The following CNTN5 variants were observed in gnomAD, a reference collection of about 807,000 sequenced individuals.
The protein encoded by CNTN5 is contactin 5.
CNTN5 carries 77 observed loss-of-function variants against 129.1 expected under a neutral mutation model. That is an observed-to-expected ratio of 0.60 (90% CI 0.50 to 0.72). The LOEUF (loss-of-function observed/expected upper bound fraction) is 0.72. CNTN5 is among the 30% of genes least tolerant of loss of function. The probability of loss-of-function intolerance (pLI) is 0.00; values close to 1 mark genes in which losing one functional copy is unlikely to be tolerated. For missense variants in CNTN5, 1,478 were observed against 1,328.8 expected (o/e 1.11, Z -1.75); for synonymous variants, 509 against 465.6 (o/e 1.09, Z -1.20).
chr11:99,349,920 C>T (rs977227000), intron 2 of CNTN5, among the ~76,000 whole-genome samples: 5 of 152,074 alleles, frequency 3.3e-5, no homozygotes, highest in African/African-American at 4.8e-5. Context: ...AAAATGTTGT[C>T]ATTTTCTTTT....
Position 99,356,230 on chromosome 11 carries a change from C to T in CNTN5, c.-71+30746C>T, listed in dbSNP as rs373746323. Among the ~76,000 whole-genome samples, 6 of 152,176 alleles carry T rather than the reference C, an allele frequency of 3.9e-5. No homozygotes were observed. In the East Asian group the frequency reaches 1.2e-3, roughly 29 times the overall value. On this transcript the variant is annotated intron_variant, in intron 2 of 24. Coordinates refer to ENST00000524871, the MANE Select transcript of CNTN5 (RefSeq NM_014361.4). ...TTTTAGTGTGGCTTGTGGGGTTTCT[C>T]AAGTTAGAAACAATTTTAAACAAGT...
In CNTN5 at chr11:99,046,155, A is replaced by G. The variant is rs143485427; in HGVS notation, c.-210+24885A>G. Among the ~76,000 whole-genome samples the G allele has an allele frequency of 7.3e-3, 1,112 of 152,210 alleles. 11 individuals carry two copies. Among genetic ancestry groups the G allele is most frequent in the African/African-American group, 0.025 (1,044 of 41,512 alleles). The stretch of plus-strand genomic sequence containing the variant: ...GGGGTGCGAGACCAGACTGGGCGAC[A>G]TGGCAAAACCCCATCTCTACTAAAA... On this transcript the variant is annotated intron_variant, in intron 1 of 24. Transcript: ENST00000524871.
chr11:99,032,385 A>T (rs1451483324), intron 1 of CNTN5, among the ~76,000 whole-genome samples: 1 of 150,560 alleles, frequency 6.6e-6, no homozygotes, highest in South Asian at 2.1e-4. Flanking sequence ...TCCCACCAAC[A>T]GTGTAAAAGT....
chr11:99,304,291 C>T (rs1864776166), intron 1 of CNTN5, among the ~76,000 whole-genome samples: 2 of 152,092 alleles, frequency 1.3e-5, no homozygotes, highest in Non-Finnish European at 2.9e-5. Context: ...TAAACAGTCT[C>T]ATATTACAGA....
At chr11:99,671,365 A>T (rs567746008) in intron 3 of CNTN5, among the ~76,000 whole-genome samples, 1 of 152,286 alleles carries the variant, frequency 6.6e-6, no homozygotes, top group South Asian at 2.1e-4. Context: ...TTAATAGCAG[A>T]TGTTTAACTT....
At chr11:99,465,767 G>C (rs113802827) in intron 2 of CNTN5, among the ~76,000 whole-genome samples, 1,838 of 152,066 alleles carry the variant, frequency 0.012, 40 homozygotes, top group African/African-American at 0.042. Flanking sequence ...GCATGGCTGA[G>C]GAGGCCTCTG....
At chr11:100,224,922 AT>A in intron 16 of CNTN5, 110 bp downstream of exon 16, 1 of 1,032,426 alleles carries the variant, frequency 9.7e-7, no homozygotes, top group Non-Finnish European at 1.3e-6. Context: ...TTTACTTTCA[AT>A]TTTACAATAT....
intron 1 of CNTN5, among the ~76,000 whole-genome samples, chr11:99,094,623 C>T (rs1302285797): frequency 1.3e-5 from 2 of 151,906 alleles, no homozygotes; most frequent in African/African-American, 4.8e-5. Context: ...GAAAAATTTA[C>T]ACAAGAGGAA....
chr11:99,094,350 T>G (rs978274243), intron 1 of CNTN5, among the ~76,000 whole-genome samples: 1 of 152,052 alleles, frequency 6.6e-6, no homozygotes, highest in Non-Finnish European at 1.5e-5. Flanking sequence ...GGATTTCTGA[T>G]TATAAGCAAT....
chr11:99,340,264 G>T (rs150897472), intron 2 of CNTN5, among the ~76,000 whole-genome samples: 2 of 152,230 alleles, frequency 1.3e-5, no homozygotes, highest in Admixed American at 6.5e-5. Flanking sequence ...TACTAGCAAA[G>T]ATGTAAAATA....
At chr11:99,086,347 G>A (rs1310455511) in intron 1 of CNTN5, among the ~76,000 whole-genome samples, 1 of 152,176 alleles carries the variant, frequency 6.6e-6, no homozygotes, top group Non-Finnish European at 1.5e-5. Flanking sequence ...ACCTGGAGCT[G>A]GGTAATTTAT....
chr11:100,318,040 G>C (rs1041099884), intron 21 of CNTN5, among the ~76,000 whole-genome samples: 5 of 152,030 alleles, frequency 3.3e-5, no homozygotes, highest in African/African-American at 1.2e-4. Context: ...AGGAGATCGA[G>C]AGCATCCTGG....
chr11:100,029,386 T>C (rs1026083193), intron 9 of CNTN5, among the ~76,000 whole-genome samples: 7 of 151,822 alleles, frequency 4.6e-5, no homozygotes, highest in African/African-American at 1.7e-4. Flanking sequence ...ATCGAGACCA[T>C]CCTGGCTAAG....
intron 1 of CNTN5, among the ~76,000 whole-genome samples, chr11:99,234,908 C>T (rs1249187553): frequency 6.6e-6 from 1 of 152,054 alleles, no homozygotes; most frequent in Non-Finnish European, 1.5e-5. Context: ...GTGTCTACTA[C>T]TGAGGAAACA....
At chr11:99,387,053 A>T (rs545387399) in intron 2 of CNTN5, among the ~76,000 whole-genome samples, 32 of 152,244 alleles carry the variant, frequency 2.1e-4, no homozygotes, top group Admixed American at 1.6e-3. Context: ...TTTTCCAATT[A>T]GATATATGTT....
intron 3 of CNTN5, among the ~76,000 whole-genome samples, chr11:99,718,141 A>T (rs1178330677): frequency 6.6e-6 from 1 of 151,920 alleles, no homozygotes; most frequent in Non-Finnish European, 1.5e-5. Context: ...CATCTTCAGG[A>T]ATTATTTATT....
chr11:99,845,301 AGTGTG>A, intron 6 of CNTN5, 39 bp downstream of exon 6: 49 of 1,220,448 alleles, frequency 4.0e-5, no homozygotes, highest in Non-Finnish European at 5.2e-5. Flanking sequence ...ATATGTATAT[AGTGTG>A]TATATACAGT....
chr11:99,913,539 A>G (rs1052487607), intron 6 of CNTN5, among the ~76,000 whole-genome samples: 9 of 152,202 alleles, frequency 5.9e-5, no homozygotes, highest in Admixed American at 4.6e-4. Flanking sequence ...CACAGAGACA[A>G]TTCTATGAGG....
intron 6 of CNTN5, among the ~76,000 whole-genome samples, chr11:99,885,475 T>C (rs1250685680): frequency 6.6e-6 from 1 of 151,974 alleles, no homozygotes; most frequent in Non-Finnish European, 1.5e-5. Flanking sequence ...TTCAGAAAAA[T>C]AATCTGTCAA....
Sources: gnomAD v4.1 joint callset for allele counts (sites outside exome capture counted in the v4.1 genomes callset) on GRCh38, gnomAD v4.1.1 for gene constraint, MANE v1.5 for transcripts, NCBI Gene and HGNC (gene_info 2026-07-23, HGNC 2026-07-21) for gene names.